The following RIOK3 variants were observed in gnomAD, a reference collection of about 807,000 sequenced individuals.
RIOK3 encodes RIO kinase 3, also known as serine/threonine-protein kinase RIO3.
A neutral mutation model predicts 63.5 loss-of-function variants in RIOK3; 40 were observed. The ratio of observed to expected loss-of-function variants is 0.63; its 90% CI spans 0.49 to 0.82. RIOK3 has a LOEUF of 0.82. Among genes scored for constraint, RIOK3 ranks in the 40% least tolerant of loss-of-function variants. The pLI is 0.00. For missense variants in RIOK3, 557 were observed against 637.0 expected, an observed-to-expected ratio of 0.87 and a Z score of 1.35; for synonymous variants, 193 against 205.0, an observed-to-expected ratio of 0.94 and a Z score of 0.50.
intron 1 of RIOK3, among the ~76,000 whole-genome samples, chr18:23,460,521 T>C (rs1018172627): frequency 2.0e-5 from 3 of 152,258 alleles, no homozygotes; most frequent in Non-Finnish European, 4.4e-5. Context: ...GGATTGCAAC[T>C]ACTCAATTGT....
chr18:23,472,054 G>A (rs1466328949), intron 7 of RIOK3, among the ~76,000 whole-genome samples: 1 of 152,054 alleles, frequency 6.6e-6, no homozygotes, highest in Admixed American at 6.6e-5. Context: ...CCAACATGGT[G>A]AAACCCCGTC....
At position 23,464,122 on chromosome 18, in the gene RIOK3, C is replaced by A. The variant is rs1481485029; in HGVS notation, c.325+10C>A. On this transcript the variant is annotated intron_variant, in intron 3 of 12. Coordinates refer to ENST00000339486, the MANE Select transcript of RIOK3 (RefSeq NM_003831.5). Reference sequence around the variant, plus strand: ...AATGGAGATAGCAAAGGTATTATAACCTTATTGTGACAACTTCATTGAGTG... The same window carrying A: ...AATGGAGATAGCAAAGGTATTATAAACTTATTGTGACAACTTCATTGAGTG... 6.2e-7 allele frequency: 1 copy of A among 1,608,712 alleles called. No homozygotes were observed. The highest frequency in any genetic ancestry group is 1.3e-5 in the African/African-American group (1 of 74,660).
At chr18:23,467,547 AC>A (rs1202454498) in intron 7 of RIOK3, 21 bp downstream of exon 7, 1 of 1,606,350 alleles carries the variant, frequency 6.2e-7, no homozygotes, top group Admixed American at 1.7e-5. Flanking sequence ...AAAATATGAT[AC>A]CATGATATGA....
At chr18:23,469,443 C>T (rs1198749006) in intron 7 of RIOK3, among the ~76,000 whole-genome samples, 3 of 128,830 alleles carry the variant, frequency 2.3e-5, no homozygotes, top group South Asian at 2.8e-4. Flanking sequence ...TCTCCTCTCT[C>T]CTCTCTCTCT....
At chr18:23,477,630 G>A (rs749936647) in intron 11 of RIOK3, among the ~76,000 whole-genome samples, 18 of 151,736 alleles carry the variant, frequency 1.2e-4, no homozygotes, top group Non-Finnish European at 2.1e-4. Context: ...GGGCATGGTG[G>A]CAGGCGCCTG....
intron 12 of RIOK3, 54 bp downstream of exon 12, chr18:23,479,478 G>A: frequency 1.0e-6 from 1 of 998,680 alleles, no homozygotes; most frequent in Non-Finnish European, 1.6e-6. Context: ...ACTGCATAGA[G>A]GAGATAACTG....
rs67305895 is a variant in RIOK3 at position 23,478,606 on chromosome 18, C to CATAT, written c.1345-662_1345-659dup. 5.3e-3 allele frequency among the ~76,000 whole-genome samples: 697 copies of CATAT among 130,456 alleles called. 16 individuals carry two copies. Among genetic ancestry groups the CATAT allele is most frequent in the African/African-American group, 7.3e-3 (226 of 31,106 alleles). The allele number at this position is 130,456 out of a possible 152,430, so 85.6% of individuals were successfully genotyped here. A position where few individuals can be genotyped will look rare whatever the true frequency, so the allele number is the denominator to read the frequency against. ...GGCCCTGTCTCTTAAAAAAACAAAA[C>CATAT]ATATATATATATATATATATATATA... On this transcript the variant is annotated intron_variant, in intron 11 of 12. Transcript: ENST00000339486.
rs2057544833 is a variant in RIOK3, at chr18:23,482,927, T to G, written c.*1648T>G. 6.6e-6 allele frequency: 1 copy of G among 152,236 alleles called. No homozygotes were observed. Among genetic ancestry groups the G allele is most frequent in the Admixed American group, 6.5e-5 (1 of 15,278 alleles). The allele number at this position is 152,236 out of a possible 1,614,324, so 9.4% of individuals were successfully genotyped here. ...ATGCTCATTACATTTTTGAAAGGTT[T>G]ATGATTCCAAAATAAAGATTTATAT... On this transcript the variant is annotated 3_prime_UTR_variant, in exon 13 of 13. Transcript: ENST00000339486.
intron 9 of RIOK3, among the ~76,000 whole-genome samples, chr18:23,476,590 T>A (rs2057492340): frequency 6.6e-6 from 1 of 151,388 alleles, no homozygotes. Flanking sequence ...GGAAAACAAA[T>A]GCATTAATGT....
At chr18:23,479,054 C>A in intron 11 of RIOK3, 1 of 331,376 alleles carries the variant, frequency 3.0e-6, no homozygotes, top group Non-Finnish European at 5.8e-6. Flanking sequence ...GATCCTCCCT[C>A]CTTGGCCTCC....
intron 9 of RIOK3, 21 bp downstream of exon 9, chr18:23,475,128 A>C (rs7235571): frequency 0.95 from 1,497,517 of 1,581,400 alleles, 710,043 homozygotes; most frequent in Admixed American, 0.97. Flanking sequence ...CTTTTAAAAG[A>C]ATTCACACAC....
At chr18:23,472,090 G>A (rs1036272517) in intron 7 of RIOK3, among the ~76,000 whole-genome samples, 2 of 152,016 alleles carry the variant, frequency 1.3e-5, no homozygotes, top group African/African-American at 4.8e-5. Flanking sequence ...AAAATTAGCC[G>A]GGCGTGGTGG....
intron 7 of RIOK3, 41 bp downstream of exon 7, chr18:23,467,567 T>G (rs1447930614): frequency 6.3e-7 from 1 of 1,582,836 alleles, no homozygotes; most frequent in South Asian, 1.1e-5. Flanking sequence ...GAAAACTTAG[T>G]CTCTTCTCCC....
chr18:23,470,945 T>G (rs771187797), intron 7 of RIOK3, among the ~76,000 whole-genome samples: 2 of 152,212 alleles, frequency 1.3e-5, no homozygotes, highest in Non-Finnish European at 2.9e-5. Flanking sequence ...ATCTAGCCTA[T>G]TCTGTCATAA....
intron 1 of RIOK3, among the ~76,000 whole-genome samples, chr18:23,455,095 G>C (rs963405403): frequency 6.7e-6 from 1 of 149,352 alleles, no homozygotes; most frequent in Non-Finnish European, 1.5e-5. Context: ...TATTTGAGAC[G>C]GAGTCTCGCC....
At position 23,463,023 on chromosome 18, in the gene RIOK3, A is replaced by G. The variant is rs1438175458; in HGVS notation, c.123A>G (p.Glu41=). 1 of 1,610,384 alleles carries G rather than the reference A, an allele frequency of 6.2e-7. No individual in the cohort carries two copies. Among genetic ancestry groups the G allele is most frequent in the East Asian group, 2.2e-5 (1 of 44,626 alleles). Residue 41 remains glutamate, a synonymous_variant, in exon 2 of 13, where the codon GAA becomes GAG. Coordinates refer to ENST00000339486, the MANE Select transcript of RIOK3 (RefSeq NM_003831.5). ...ISCSLADVMS[E]QLAKELQLEE... ...GTTCTTTGGCTGATGTAATGAGTGA[A>G]CAGCTGGCCAAAGAATTGCAGTTAG... is the stretch of plus-strand genomic sequence containing the variant.
At chr18:23,459,881 A>G (rs1476784906) in intron 1 of RIOK3, among the ~76,000 whole-genome samples, 2 of 152,122 alleles carry the variant, frequency 1.3e-5, no homozygotes, top group East Asian at 1.9e-4. Context: ...TTTAGTAGAG[A>G]TGGGGTTTCT....
rs4800486 is a variant in RIOK3 at position 23,466,286 on chromosome 18, T to C, written c.687+10T>C. 0.12 allele frequency: 183,958 copies of C among 1,547,594 alleles called. 16,686 individuals carry two copies. The highest frequency in any genetic ancestry group is 0.38 in the Admixed American group (17,310 of 45,572). ...GGAGCATTCTACAGCAGTAAGGATT[T>C]ATAGATTTTTTTTTTTCTTTTTTAC... On this transcript the variant is annotated intron_variant, in intron 6 of 12. Coordinates refer to ENST00000339486, the MANE Select transcript of RIOK3 (RefSeq NM_003831.5).
At chr18:23,466,970 C>T (rs1232928548) in intron 6 of RIOK3, among the ~76,000 whole-genome samples, 1 of 151,724 alleles carries the variant, frequency 6.6e-6, no homozygotes, top group African/African-American at 2.4e-5. Flanking sequence ...TCACTGCATT[C>T]CATCCTGGAC....
Sources: gnomAD v4.1 joint callset for allele counts (sites outside exome capture counted in the v4.1 genomes callset) on GRCh38, gnomAD v4.1.1 for gene constraint, MANE v1.5 for transcripts, NCBI Gene and HGNC (gene_info 2026-07-23, HGNC 2026-07-21) for gene names.